The following GINS2 variants were observed in gnomAD, a reference collection of about 807,000 sequenced individuals.
GINS2 encodes DNA replication complex GINS protein PSF2.
GINS2 carries 23 observed loss-of-function variants against 21.2 expected under a neutral mutation model. The observed-to-expected ratio is 1.08, with a 90% confidence interval of 0.78 to 1.53. The LOEUF (loss-of-function observed/expected upper bound fraction) is 1.53. GINS2 is among the 40% of genes most tolerant of loss of function. GINS2 has a pLI of 0.00. For synonymous variants in GINS2, 118 were observed against 85.6 expected (o/e 1.38, Z -2.09); for missense variants, 323 against 233.9 (o/e 1.38, Z -2.49).
chr16:85,687,157 G>A (rs1598763640), intron 2 of GINS2, among the ~76,000 whole-genome samples: 1 of 152,232 alleles, frequency 6.6e-6, no homozygotes, highest in African/African-American at 2.4e-5. Flanking sequence ...GGAGGTGAAG[G>A]CTGCATTGAG....
intron 2 of GINS2, among the ~76,000 whole-genome samples, chr16:85,683,806 G>A (rs758429193): frequency 7.9e-5 from 12 of 152,140 alleles, no homozygotes; most frequent in Non-Finnish European, 1.6e-4. Context: ...AAACACCTCT[G>A]GTCCAACTTT....
intron 3 of GINS2, among the ~76,000 whole-genome samples, chr16:85,679,332 G>T (rs754536180): frequency 2.6e-5 from 4 of 152,238 alleles, no homozygotes; most frequent in Non-Finnish European, 5.9e-5. Context: ...AGGGATGAAG[G>T]AAGGCTTTCA....
chr16:85,679,590 G>T (rs1405277024), intron 3 of GINS2, among the ~76,000 whole-genome samples: 3 of 152,260 alleles, frequency 2.0e-5, no homozygotes, highest in Non-Finnish European at 4.4e-5. Context: ...AAGGACAAAG[G>T]ACCCCAACTC....
chr16:85,688,255 C>A (rs1323832709), intron 1 of GINS2, among the ~76,000 whole-genome samples: 2 of 152,046 alleles, frequency 1.3e-5, no homozygotes, highest in East Asian at 3.9e-4. Context: ...CGCATCTCTA[C>A]CAAATAAATA....
chr16:85,684,204 T>C (rs577521021), intron 2 of GINS2, among the ~76,000 whole-genome samples: 1 of 152,298 alleles, frequency 6.6e-6, no homozygotes, highest in South Asian at 2.1e-4. Context: ...TGTGATGGTA[T>C]ACACCTGTAT....
rs2053776660 is a variant in GINS2 at position 85,686,296 on chromosome 16, T to C, written c.205+1164A>G. ...AGCCGAGCGTGGTAGCGGGCGCCTG[T>C]AGTCCCAGCTACTTGGGAGGCTGAC... On this transcript the variant is annotated intron_variant, in intron 2 of 4. Coordinates refer to ENST00000253462, the MANE Select transcript of GINS2 (RefSeq NM_016095.3). Among the ~76,000 whole-genome samples the C allele has an allele frequency of 5.9e-5, 9 of 152,188 alleles. No individual in the cohort carries two copies. In the South Asian group the frequency reaches 1.9e-3, roughly 32 times the overall value.
At chr16:85,679,946 G>C (rs900366062) in intron 3 of GINS2, among the ~76,000 whole-genome samples, 1 of 152,076 alleles carries the variant, frequency 6.6e-6, no homozygotes, top group Admixed American at 6.6e-5. Context: ...GGCTACACCA[G>C]GTCCTTCACA....
intron 3 of GINS2, 50 bp from the exon 4 acceptor site, chr16:85,678,716 G>A (rs1374811459): frequency 6.3e-7 from 1 of 1,585,614 alleles, no homozygotes; most frequent in African/African-American, 1.3e-5. Flanking sequence ...ATAACCTGAG[G>A]CAATGCTGGA....
chr16:85,682,879 G>A (rs992480906), intron 2 of GINS2, among the ~76,000 whole-genome samples: 2 of 152,092 alleles, frequency 1.3e-5, no homozygotes, highest in African/African-American at 4.8e-5. Flanking sequence ...GGCCCTTGGT[G>A]CCGTCCTGCA....
chr16:85,684,440 C>G (rs1473328722), intron 2 of GINS2, among the ~76,000 whole-genome samples: 1 of 152,132 alleles, frequency 6.6e-6, no homozygotes, highest in Admixed American at 6.5e-5. Flanking sequence ...GGCTGCAATT[C>G]ACTATGATCA....
chr16:85,687,443 C>T lies in GINS2; in HGVS notation c.205+17G>A. 1 of 1,447,308 alleles carries T rather than the reference C, an allele frequency of 6.9e-7. No individual in the cohort carries two copies. Among genetic ancestry groups the T allele is most frequent in the African/African-American group, 1.4e-5 (1 of 69,572 alleles). The allele number at this position is 1,447,308 out of a possible 1,614,324, so 89.7% of individuals were successfully genotyped here. A position where few individuals can be genotyped will look rare whatever the true frequency, so the allele number is the denominator to read the frequency against. On this transcript the variant is annotated intron_variant, in intron 2 of 4. Coordinates refer to ENST00000253462, the MANE Select transcript of GINS2 (RefSeq NM_016095.3). ...CAGCCCCACCCACGCATCAACCAGT[C>T]TCCACCACATCCTTACCTACATCCA... is the stretch of plus-strand genomic sequence containing the variant.
rs914380265 is a variant in GINS2 at position 85,677,328 on chromosome 16, A to C, written c.*884T>G. The C allele has an allele frequency of 6.6e-6, 1 of 152,242 alleles. No homozygotes were observed. Among genetic ancestry groups the C allele is most frequent in the African/African-American group, 2.4e-5 (1 of 41,458 alleles). The allele number at this position is 152,242 out of a possible 1,614,324, so 9.4% of individuals were successfully genotyped here. A position where few individuals can be genotyped will look rare whatever the true frequency, so the allele number is the denominator to read the frequency against. On this transcript the variant is annotated 3_prime_UTR_variant, in exon 5 of 5. Transcript: ENST00000253462. ...ATAAAGTAATTTTCTCTTAGGAAAA[A>C]AATAATTTCCCCTGAGCCCACTGTT...
Position 85,678,101 on chromosome 16 carries a change from T to C in GINS2, c.*111A>G, listed in dbSNP as rs1309187697. On this transcript the variant is annotated 3_prime_UTR_variant, in exon 5 of 5. Coordinates refer to ENST00000253462, the MANE Select transcript of GINS2 (RefSeq NM_016095.3). The stretch of plus-strand genomic sequence containing the variant: ...CATCCTGAATCCATTCCTTGCACCA[T>C]CACACATTTTTCATGCATCAGAAGT... 5.5e-6 allele frequency: 5 copies of C among 905,484 alleles called. No homozygotes were observed. The highest frequency in any genetic ancestry group is 2.5e-5 in the East Asian group (1 of 40,454). 56.1% of individuals were successfully genotyped at this position (905,484 alleles called of 1,614,324 possible).
At chr16:85,688,145 A>G (rs566611204) in intron 1 of GINS2, 1 of 152,174 alleles carries the variant, frequency 6.6e-6, no homozygotes, top group Admixed American at 6.5e-5. Flanking sequence ...GATAAAGACA[A>G]AAACAAACAG....
At chr16:85,686,284 A>G (rs913269108) in intron 2 of GINS2, among the ~76,000 whole-genome samples, 6 of 152,098 alleles carry the variant, frequency 3.9e-5, no homozygotes, top group Non-Finnish European at 8.8e-5. Context: ...CGAGCGTGGT[A>G]GCGGGCGCCT....
chr16:85,686,859 T>C (rs2053781750), intron 2 of GINS2, among the ~76,000 whole-genome samples: 1 of 152,256 alleles, frequency 6.6e-6, no homozygotes, highest in African/African-American at 2.4e-5. Flanking sequence ...TAATCTATAC[T>C]TATTTTTAAA....
At chr16:85,681,473 C>A in intron 3 of GINS2, 109 bp downstream of exon 3, 1 of 684,284 alleles carries the variant, frequency 1.5e-6, no homozygotes, top group Non-Finnish European at 2.6e-6. Context: ...CCAGTGTTGC[C>A]ACTTACTGAG....
intron 2 of GINS2, among the ~76,000 whole-genome samples, chr16:85,685,383 A>C (rs1326700679): frequency 6.6e-6 from 1 of 152,074 alleles, no homozygotes; most frequent in East Asian, 1.9e-4. Context: ...TCTCCTCTAC[A>C]AAAGCCTTCC....
chr16:85,680,134 C>T (rs1049798324), intron 3 of GINS2, among the ~76,000 whole-genome samples: 18 of 152,194 alleles, frequency 1.2e-4, no homozygotes, highest in Non-Finnish European at 2.6e-4. Flanking sequence ...GGCTCCCAGG[C>T]CCACATCTCT....
Sources: allele counts gnomAD v4.1 joint callset (sites outside exome capture counted in the v4.1 genomes callset), GRCh38; gene constraint gnomAD v4.1.1; transcripts MANE v1.5; gene names NCBI Gene and HGNC (gene_info 2026-07-23, HGNC 2026-07-21).